The following CDH4 variants were observed in gnomAD, a reference collection of about 807,000 sequenced individuals.
CDH4 encodes cadherin-4.
In CDH4, 33 loss-of-function variants were observed where a neutral mutation model predicts 86.0. That is an observed-to-expected ratio of 0.38 (90% confidence interval 0.29 to 0.51). The LOEUF is 0.51. Ranked by LOEUF, CDH4 falls within the 20% of genes least tolerant of loss-of-function variation. The pLI is 0.86. For synonymous variants in CDH4, 555 were observed against 549.4 expected (o/e 1.01, Z -0.14); for missense variants, 1,114 against 1,307.4 (o/e 0.85, Z 2.28).
intron 2 of CDH4, among the ~76,000 whole-genome samples, chr20:61,585,279 G>A (rs932767449): frequency 5.3e-5 from 8 of 152,296 alleles, no homozygotes; most frequent in Admixed American, 2.0e-4. Flanking sequence ...CATTTCCAGC[G>A]TTTTCCTTTG....
intron 2 of CDH4, among the ~76,000 whole-genome samples, chr20:61,578,705 G>A (rs1015191038): frequency 6.6e-6 from 1 of 152,094 alleles, no homozygotes; most frequent in Admixed American, 6.5e-5. Context: ...GGAAAGTCTG[G>A]GCTGTGAGTG....
rs373848642 is a variant in CDH4 at position 61,786,359 on chromosome 20, A to C, written c.576+13177A>C. Among the ~76,000 whole-genome samples the C allele has an allele frequency of 3.9e-5, 6 of 152,224 alleles. No individual in the cohort carries two copies. In the East Asian group the frequency reaches 1.2e-3, roughly 29 times the overall value. ...CACGATCGCCCTGCTGCAGTCTGCG[A>C]GTCGCCCGGCAGCCAGACACAGCGC... On this transcript the variant is annotated intron_variant, in intron 4 of 15. Coordinates refer to ENST00000614565, the MANE Select transcript of CDH4 (RefSeq NM_001794.5).
chr20:61,539,657 G>A (rs2145653604), intron 2 of CDH4, among the ~76,000 whole-genome samples: 1 of 152,340 alleles, frequency 6.6e-6, no homozygotes, highest in African/African-American at 2.4e-5. Context: ...AGCTCAAGCT[G>A]TTCAGCAAGG....
chr20:61,765,223 G>C (rs913554874), intron 3 of CDH4, among the ~76,000 whole-genome samples: 16 of 152,050 alleles, frequency 1.1e-4, no homozygotes, highest in African/African-American at 3.4e-4. Context: ...CTCAGGGCTC[G>C]GAGGGGTCCC....
At position 61,624,370 on chromosome 20, in the gene CDH4, C is replaced by T. The variant is rs569757998; in HGVS notation, c.170-119193C>T. Among the ~76,000 whole-genome samples, 20 of 152,382 alleles carry T rather than the reference C, an allele frequency of 1.3e-4. No individual in the cohort carries two copies. The Middle Eastern group carries it at 0.01, about 78-fold the overall frequency. On this transcript the variant is annotated intron_variant, in intron 2 of 15. Coordinates refer to ENST00000614565, the MANE Select transcript of CDH4 (RefSeq NM_001794.5). ...AAGGTATCCAATGACCAAGTCCCAG[C>T]ATCGGGCAGACATGGAGTCAGGGCT...
chr20:61,571,353 G>A (rs1024440544), intron 2 of CDH4, among the ~76,000 whole-genome samples: 3 of 152,298 alleles, frequency 2.0e-5, no homozygotes, highest in South Asian at 2.1e-4. Flanking sequence ...GCCATGAGCC[G>A]AAGGTAGACA....
rs1243128811 is a variant in CDH4 at position 61,518,860 on chromosome 20, TC to T, written c.170-224702del. The stretch of plus-strand genomic sequence containing the variant: ...ATCCATTCATCCACCCATCACCCAT[TC>T]ATCCATCATTCATTCATCAATCCAC... On this transcript the variant is annotated intron_variant, in intron 2 of 15. Coordinates refer to ENST00000614565, the MANE Select transcript of CDH4 (RefSeq NM_001794.5). This position sits in a 1 kb window ranked among gnomAD's most constrained non-coding sequence, Gnocchi z 6.3. Among the ~76,000 whole-genome samples the T allele has an allele frequency of 2.6e-5, 4 of 151,876 alleles. No homozygotes were observed. Among genetic ancestry groups the T allele is most frequent in the African/African-American group, 9.7e-5 (4 of 41,312 alleles).
At chr20:61,384,563 A>AT (rs2084941086) in intron 2 of CDH4, among the ~76,000 whole-genome samples, 1 of 152,016 alleles carries the variant, frequency 6.6e-6, no homozygotes, top group South Asian at 2.1e-4. Flanking sequence ...AGCACTTCTC[A>AT]TCCCACCCTC....
intron 2 of CDH4, among the ~76,000 whole-genome samples, chr20:61,571,999 G>A (rs554362792): frequency 6.6e-6 from 1 of 152,240 alleles, no homozygotes; most frequent in South Asian, 2.1e-4. Context: ...CAGGAGCTGG[G>A]ATTCAAACCC....
intron 2 of CDH4, among the ~76,000 whole-genome samples, chr20:61,650,460 C>T (rs1028808337): frequency 5.3e-5 from 8 of 152,166 alleles, no homozygotes; most frequent in African/African-American, 1.9e-4. Context: ...ATATGTACTG[C>T]GTATCTGGAA....
At chr20:61,640,338 G>A (rs1375712470) in intron 2 of CDH4, among the ~76,000 whole-genome samples, 1 of 152,216 alleles carries the variant, frequency 6.6e-6, no homozygotes, top group East Asian at 1.9e-4. Context: ...CACCATCCAG[G>A]GTGCATGAGG....
At chr20:61,387,782 G>A (rs533887522) in intron 2 of CDH4, among the ~76,000 whole-genome samples, 15 of 152,174 alleles carry the variant, frequency 9.9e-5, no homozygotes, top group African/African-American at 3.1e-4. Context: ...AAGCTTTTCC[G>A]CAGTGAGAGC....
intron 8 of CDH4, among the ~76,000 whole-genome samples, chr20:61,906,223 T>C (rs1193862550): frequency 6.6e-6 from 1 of 152,264 alleles, no homozygotes; most frequent in Non-Finnish European, 1.5e-5. Flanking sequence ...TATTTTCATC[T>C]ATGGTCAGGC....
chr20:61,369,404 C>CCATAA (rs1279750574), intron 2 of CDH4, among the ~76,000 whole-genome samples: 2 of 132,550 alleles, frequency 1.5e-5, no homozygotes, highest in Non-Finnish European at 3.1e-5. Context: ...TGAGCCAAGA[C>CCATAA]CATAACATTG....
intron 2 of CDH4, among the ~76,000 whole-genome samples, chr20:61,388,634 T>A (rs2084964895): frequency 6.6e-6 from 1 of 152,218 alleles, no homozygotes; most frequent in Non-Finnish European, 1.5e-5. Context: ...TTAGCGTTTT[T>A]AAAACAACTC....
chr20:61,847,047 C>T (rs1982490468), intron 5 of CDH4, among the ~76,000 whole-genome samples: 1 of 152,168 alleles, frequency 6.6e-6, no homozygotes, highest in Non-Finnish European at 1.5e-5. Flanking sequence ...CCTGCACCAG[C>T]AGAAGGCCTC....
intron 2 of CDH4, among the ~76,000 whole-genome samples, chr20:61,299,159 C>T (rs2084372899): frequency 1.3e-5 from 2 of 152,134 alleles, no homozygotes; most frequent in Admixed American, 1.3e-4. Context: ...GACCCGTGCT[C>T]TTATAAGAAA....
chr20:61,438,242 T>TA (rs1038242486), intron 2 of CDH4, among the ~76,000 whole-genome samples: 4 of 152,140 alleles, frequency 2.6e-5, no homozygotes, highest in East Asian at 1.9e-4. Flanking sequence ...TATTGTTTTT[T>TA]AAAAAAAATT....
chr20:61,936,811 C>A lies in CDH4; in HGVS notation c.2619C>A (p.Ser873Arg), dbSNP rs549406943. 1.9e-6 allele frequency: 3 copies of A among 1,610,594 alleles called. No individual in the cohort carries two copies. Among genetic ancestry groups the A allele is most frequent in the Non-Finnish European group, 1.7e-6 (2 of 1,179,060 alleles). ...TGCTGGTCTTCGACTACGAGGGGAG[C>A]GGCTCCACCGCAGGCTCCGTCAGCT... is the stretch of plus-strand genomic sequence containing the variant. ...DSLLVFDYEG[S>R]GSTAGSVSSL... Residue 873 changes from serine (S) to arginine (R), a missense_variant, in exon 16 of 16, where the codon AGC (serine) becomes AGA (arginine). By Grantham distance (110) the Ser-to-Arg change is moderately radical. Coordinates refer to ENST00000614565, the MANE Select transcript of CDH4 (RefSeq NM_001794.5).
Sources: allele counts gnomAD v4.1 joint callset (sites outside exome capture counted in the v4.1 genomes callset), GRCh38; gene constraint gnomAD v4.1.1; non-coding constraint Gnocchi (gnomAD v3.1); transcripts MANE v1.5; gene names NCBI Gene and HGNC (gene_info 2026-07-23, HGNC 2026-07-21).